The following RASEF variants were observed in gnomAD, a reference collection of about 807,000 sequenced individuals.
RASEF encodes RAS and EF-hand domain containing.
In RASEF, 68 loss-of-function variants were observed where a neutral mutation model predicts 90.1. The observed-to-expected ratio is 0.75, with a 90% CI of 0.62 to 0.92. RASEF has a LOEUF of 0.92. Ranked by LOEUF, RASEF falls within the 40% of genes least tolerant of loss-of-function variation. The pLI is 0.00. For missense variants in RASEF, 949 were observed against 937.2 expected (o/e 1.01, Z -0.16); for synonymous variants, 331 against 345.2 (o/e 0.96, Z 0.46).
the RASEF span, among the ~76,000 whole-genome samples, chr9:83,206,165 T>C: frequency 0.84 from 127,868 of 152,224 alleles, 53,785 homozygotes; most frequent in East Asian, 0.96. Flanking sequence ...TATTTTACTA[T>C]TGTTCATAAC....
the RASEF span, among the ~76,000 whole-genome samples, chr9:83,136,419 T>C: frequency 6.6e-6 from 1 of 152,142 alleles, no homozygotes; most frequent in African/African-American, 2.4e-5. Flanking sequence ...TGTTAAATAT[T>C]TATACCATTT....
chr9:83,075,372 T>A, the RASEF span, among the ~76,000 whole-genome samples: 1 of 152,238 alleles, frequency 6.6e-6, no homozygotes, highest in Admixed American at 6.5e-5. Context: ...TTTTTACTTA[T>A]AAAAAGCCTC....
chr9:82,983,107 C>CCCCACACACA (rs1340706939), intron 16 of RASEF, among the ~76,000 whole-genome samples: 6 of 128,560 alleles, frequency 4.7e-5, no homozygotes, highest in African/African-American at 1.8e-4. Flanking sequence ...GAGTACCAGG[C>CCCCACACACA]CACACACACA....
rs772879313 is a variant in RASEF at position 83,062,699 on chromosome 9, C to A, written c.169G>T (p.Asp57Tyr). The A allele has an allele frequency of 6.4e-6, 10 of 1,573,914 alleles. No homozygotes were observed. The highest frequency in any genetic ancestry group is 1.7e-4 in the Middle Eastern group (1 of 5,928). ...AEAVFQRLDA[D>Y]RDGAITFQEF... is the part of the protein sequence containing the mutation. ...TGGAAGGTGATGGCGCCGTCACGGT[C>A]GGCGTCCAGCCGCTGGAATACTGCC... Residue 57 changes from aspartate (D) to tyrosine (Y), a missense_variant, in exon 1 of 17, where the codon GAC (aspartate) becomes TAC (tyrosine). Physicochemically the swap from Asp to Tyr is radical, Grantham distance 160. Coordinates refer to ENST00000376447, the MANE Select transcript of RASEF (RefSeq NM_152573.4).
At chr9:83,070,968 T>G in the RASEF span, among the ~76,000 whole-genome samples, 1 of 152,228 alleles carries the variant, frequency 6.6e-6, no homozygotes, top group African/African-American at 2.4e-5. Context: ...GATGAACTTG[T>G]ATTCTGAGGC....
At chr9:83,148,258 A>G in the RASEF span, among the ~76,000 whole-genome samples, 1 of 152,102 alleles carries the variant, frequency 6.6e-6, no homozygotes, top group African/African-American at 2.4e-5. Context: ...ATCATGTGAG[A>G]TATGTGTTAT....
the RASEF span, among the ~76,000 whole-genome samples, chr9:83,188,839 G>C: frequency 2.6e-5 from 4 of 152,240 alleles, no homozygotes; most frequent in East Asian, 5.8e-4. Context: ...CCATCTTATT[G>C]GTATTAGTCA....
intron 1 of RASEF, among the ~76,000 whole-genome samples, chr9:83,061,191 A>C (rs1830194649): frequency 6.6e-6 from 1 of 152,194 alleles, no homozygotes; most frequent in Admixed American, 6.5e-5. Context: ...GGAGTAACTC[A>C]TTTGTAAATA....
At chr9:83,077,742 C>T in the RASEF span, among the ~76,000 whole-genome samples, 1 of 152,282 alleles carries the variant, frequency 6.6e-6, no homozygotes, top group Non-Finnish European at 1.5e-5. Context: ...ACCTCTAGCA[C>T]CAGAATTACT....
chr9:82,992,566 A>G (rs1167478010), intron 15 of RASEF, among the ~76,000 whole-genome samples: 3 of 152,100 alleles, frequency 2.0e-5, no homozygotes, highest in African/African-American at 7.2e-5. Flanking sequence ...ATAGGACACT[A>G]TTTTCTTCCT....
the RASEF span, among the ~76,000 whole-genome samples, chr9:83,152,801 T>A: frequency 6.6e-6 from 1 of 152,200 alleles, no homozygotes; most frequent in South Asian, 2.1e-4. Flanking sequence ...ACCTACTTAT[T>A]TATTTTCCAT....
the RASEF span, among the ~76,000 whole-genome samples, chr9:83,070,772 C>G: frequency 1.3e-5 from 2 of 152,058 alleles, no homozygotes; most frequent in African/African-American, 4.8e-5. Context: ...GATTATATCT[C>G]TCTGTTTAAT....
intron 1 of RASEF, among the ~76,000 whole-genome samples, chr9:83,038,933 G>T (rs1430698670): frequency 6.6e-6 from 1 of 152,064 alleles, no homozygotes; most frequent in Non-Finnish European, 1.5e-5. Context: ...TTTGTAGAAG[G>T]CTCAATACAA....
chr9:83,030,842 CTT>C (rs138778064), intron 1 of RASEF, among the ~76,000 whole-genome samples: 1 of 152,190 alleles, frequency 6.6e-6, no homozygotes, highest in East Asian at 1.9e-4. Context: ...CATTTTCTTT[CTT>C]TTTTCTTTCT....
chr9:83,144,928 C>A, the RASEF span, among the ~76,000 whole-genome samples: 1 of 152,082 alleles, frequency 6.6e-6, no homozygotes. Context: ...TGCAAATAGC[C>A]AAAACAAATT....
chr9:83,053,473 A>C lies in RASEF; in HGVS notation c.431+8964T>G, dbSNP rs1360279672. ...GAGATGGGTTTCCTGAATACAGCAC[A>C]CTGATGGGTCCTGACTCTTTATCCA... is the stretch of plus-strand genomic sequence containing the variant. On this transcript the variant is annotated intron_variant, in intron 1 of 16. Coordinates refer to ENST00000376447, the MANE Select transcript of RASEF (RefSeq NM_152573.4). Among the ~76,000 whole-genome samples, 8 of 133,272 alleles carry C rather than the reference A, an allele frequency of 6.0e-5. No homozygotes were observed. The East Asian group carries it at 9.1e-4, about 15-fold the overall frequency. The allele number at this position is 133,272 out of a possible 152,430, so 87.4% of individuals were successfully genotyped here. A position where few individuals can be genotyped will look rare whatever the true frequency, so the allele number is the denominator to read the frequency against.
At chr9:83,081,284 T>A in the RASEF span, among the ~76,000 whole-genome samples, 4 of 152,244 alleles carry the variant, frequency 2.6e-5, no homozygotes, top group African/African-American at 9.6e-5. Context: ...TGTGCAAGCA[T>A]GAAATCAGTC....
At chr9:83,044,136 T>C (rs1337246131) in intron 1 of RASEF, among the ~76,000 whole-genome samples, 2 of 152,314 alleles carry the variant, frequency 1.3e-5, no homozygotes, top group South Asian at 2.1e-4. Flanking sequence ...AAAAAATTTC[T>C]TCCTGTTCCT....
intron 1 of RASEF, chr9:83,055,757 A>G: frequency 1.5e-6 from 1 of 675,268 alleles, no homozygotes; most frequent in East Asian, 2.7e-5. Flanking sequence ...ATTTTACATT[A>G]TTGCCAAAAT....
Sources: gnomAD v4.1 joint callset for allele counts (sites outside exome capture counted in the v4.1 genomes callset) on GRCh38, gnomAD v4.1.1 for gene constraint, MANE v1.5 for transcripts, NCBI Gene and HGNC (gene_info 2026-07-23, HGNC 2026-07-21) for gene names.